The following TNFAIP2 variants were observed in gnomAD, a reference collection of about 807,000 sequenced individuals.
The protein encoded by TNFAIP2 is TNF alpha induced protein 2, also known as tumor necrosis factor alpha-induced protein 2.
Under a neutral mutation model 63.5 loss-of-function variants are expected in TNFAIP2, and 47 were observed. The observed-to-expected ratio is 0.74, with a 90% CI of 0.59 to 0.94. TNFAIP2 has a LOEUF of 0.94. TNFAIP2 is among the 40% of genes least tolerant of loss of function. The pLI is 0.00. For missense variants in TNFAIP2, 787 were observed against 850.2 expected (o/e 0.93, Z 0.92); for synonymous variants, 405 against 390.2 (o/e 1.04, Z -0.45).
chr14:103,125,344 T>C (rs1204037763), intron 1 of TNFAIP2, among the ~76,000 whole-genome samples: 2 of 152,172 alleles, frequency 1.3e-5, no homozygotes, highest in African/African-American at 4.8e-5. Context: ...GCTCGGGTCT[T>C]GCCTCTCTGG....
In TNFAIP2 at chr14:103,127,589, A is replaced by C. The variant is rs201875591; in HGVS notation, c.820A>C (p.Thr274Pro). The change falls in exon 3 of 12, where the codon ACC becomes CCC. Residue 274 changes from threonine (T) to proline (P), a missense_variant. By Grantham distance (38) the Thr-to-Pro change is conservative. This residue lies in a region of TNFAIP2 where 523 missense variants were observed against 604.1 expected (regional missense o/e 0.87). Coordinates refer to ENST00000560869, the MANE Select transcript of TNFAIP2 (RefSeq NM_006291.4). This position sits in a 1 kb window ranked among gnomAD's most constrained non-coding sequence, Gnocchi z 5.1. ...VAQFELCERD[T>P]YMLLLWVQNL... Reference sequence around the variant, plus strand: ...GCAGTTCGAGCTGTGCGAGCGCGACACCTACATGCTGCTGCTCTGGGTGCA... The same window carrying C: ...GCAGTTCGAGCTGTGCGAGCGCGACCCCTACATGCTGCTGCTCTGGGTGCA... The C allele has an allele frequency of 1.1e-4, 170 of 1,549,492 alleles. No homozygotes were observed. Among genetic ancestry groups the C allele is most frequent in the Non-Finnish European group, 1.4e-4 (165 of 1,150,640 alleles).
In TNFAIP2 at chr14:103,131,172, T is replaced by TGCGGGAGTGGGAGTCACTC. The variant is rs953265295; in HGVS notation, c.1298+23_1298+41dup. 4 of 1,612,376 alleles carry TGCGGGAGTGGGAGTCACTC rather than the reference T, an allele frequency of 2.5e-6. No individual in the cohort carries two copies. Among genetic ancestry groups the TGCGGGAGTGGGAGTCACTC allele is most frequent in the Non-Finnish European group, 3.4e-6 (4 of 1,178,748 alleles). On this transcript the variant is annotated intron_variant, in intron 7 of 11. Transcript: ENST00000560869. The surrounding 1 kb of genome is among the most constrained non-coding windows in gnomAD (Gnocchi z 4.0). The stretch of plus-strand genomic sequence containing the variant: ...TCCGGTGAGAGTGTTGGGAGGGGCT[T>TGCGGGAGTGGGAGTCACTC]GCGGGAGTGGGAGTCACTCAGCGGG...
Position 103,135,161 on chromosome 14 carries a change from A to G in TNFAIP2, c.1824-58A>G. Reference sequence around the variant, plus strand: ...TGTGGCACTGGCCGGGAGTGCAGGGAGCTGGTGAGTAGGGGTGTGGGTGAC... The same window carrying G: ...TGTGGCACTGGCCGGGAGTGCAGGGGGCTGGTGAGTAGGGGTGTGGGTGAC... On this transcript the variant is annotated intron_variant, in intron 11 of 11. Coordinates refer to ENST00000560869, the MANE Select transcript of TNFAIP2 (RefSeq NM_006291.4). The surrounding 1 kb of genome is among the most constrained non-coding windows in gnomAD (Gnocchi z 7.6). The G allele has an allele frequency of 6.2e-7, 1 of 1,609,976 alleles. No homozygotes were observed. Among genetic ancestry groups the G allele is most frequent in the Non-Finnish European group, 8.5e-7 (1 of 1,177,282 alleles).
chr14:103,122,414 A>C (rs1891144614), upstream of TNFAIP2, among the ~76,000 whole-genome samples: 1 of 152,082 alleles, frequency 6.6e-6, no homozygotes, highest in South Asian at 2.1e-4. Context: ...AGAGGGGAGG[A>C]GCAGAGGCCC....
Position 103,131,902 on chromosome 14 carries a change from A to G in TNFAIP2, c.1422+140A>G. 1 of 1,253,080 alleles carries G rather than the reference A, an allele frequency of 8.0e-7. No homozygotes were observed. Among genetic ancestry groups the G allele is most frequent in the Non-Finnish European group, 1.1e-6 (1 of 928,892 alleles). 77.6% of individuals were successfully genotyped at this position (1,253,080 alleles called of 1,614,324 possible). A position where few individuals can be genotyped will look rare whatever the true frequency, so the allele number is the denominator to read the frequency against. ...AGGCCTGTGGACGGCACCGTGGGCC[A>G]GCTCTGGTGCAGCGGTGATGCCCGG... On this transcript the variant is annotated intron_variant, in intron 8 of 11. Transcript: ENST00000560869. The surrounding 1 kb of genome is among the most constrained non-coding windows in gnomAD (Gnocchi z 4.0).
At position 103,135,455 on chromosome 14, in the gene TNFAIP2, C is replaced by G; in HGVS notation, c.*95C>G. 2.6e-6 allele frequency: 4 copies of G among 1,513,018 alleles called. No individual in the cohort carries two copies. Among genetic ancestry groups the G allele is most frequent in the Non-Finnish European group, 3.5e-6 (4 of 1,139,084 alleles). The allele number at this position is 1,513,018 out of a possible 1,614,324, so 93.7% of individuals were successfully genotyped here. ...AGAGCAGCGCTGGTTCTCGGTTCCT[C>G]CCGGGTCTCCTGTGCTCTGATGCTA... On this transcript the variant is annotated 3_prime_UTR_variant, in exon 12 of 12. Coordinates refer to ENST00000560869, the MANE Select transcript of TNFAIP2 (RefSeq NM_006291.4). This position sits in a 1 kb window ranked among gnomAD's most constrained non-coding sequence, Gnocchi z 7.6.
Position 103,126,642 on chromosome 14 carries a change from C to T in TNFAIP2, c.185C>T (p.Pro62Leu), listed in dbSNP as rs533646796. 3.2e-6 allele frequency: 5 copies of T among 1,555,214 alleles called. No homozygotes were observed. The South Asian group carries it at 4.7e-5, about 15-fold the overall frequency. Residue 62 changes from proline to leucine, a missense_variant, in exon 2 of 12, where the codon CCC (proline) becomes CTC (leucine). Pro to Leu is a moderately conservative substitution (Grantham distance 98). Coordinates refer to ENST00000560869, the MANE Select transcript of TNFAIP2 (RefSeq NM_006291.4). ...KKKGQPSSAEPEDAAGSRQGL... is the reference protein window; with the variant it reads ...KKKGQPSSAELEDAAGSRQGL... The stretch of plus-strand genomic sequence containing the variant: ...AAGGGTCAGCCCAGCTCAGCGGAGC[C>T]CGAGGACGCAGCCGGGTCCAGGCAG...
intron 6 of TNFAIP2, 66 bp downstream of exon 6, chr14:103,130,481 G>C: frequency 6.9e-7 from 1 of 1,442,230 alleles, no homozygotes; most frequent in Non-Finnish European, 9.5e-7. Flanking sequence ...CCTCCCTAGT[G>C]CCTCAGGTGG....
Position 103,127,098 on chromosome 14 carries a change from C to T in TNFAIP2, c.329C>T (p.Ala110Val). Residue 110 changes from alanine (A) to valine (V), a missense_variant, in exon 3 of 12, where the codon GCG becomes GTG. Physicochemically the swap from Ala to Val is moderately conservative, Grantham distance 64. Around this residue, in one of 3 missense-constraint regions of TNFAIP2, gnomAD observed 258 missense variants for 228.9 expected, o/e 1.13. Coordinates refer to ENST00000560869, the MANE Select transcript of TNFAIP2 (RefSeq NM_006291.4). This position sits in a 1 kb window ranked among gnomAD's most constrained non-coding sequence, Gnocchi z 5.1. ...LERELAAAAA[A>V]GGVSEEELVR... ...CGGGAGCTGGCGGCGGCGGCGGCGG[C>T]GGGCGGTGTGAGCGAGGAGGAGCTG... is the stretch of plus-strand genomic sequence containing the variant. 9.1e-7 allele frequency: 1 copy of T among 1,101,654 alleles called. No individual in the cohort carries two copies. Among genetic ancestry groups the T allele is most frequent in the Non-Finnish European group, 1.1e-6 (1 of 905,486 alleles). The allele number at this position is 1,101,654 out of a possible 1,614,324, so 68.2% of individuals were successfully genotyped here.
At position 103,123,909 on chromosome 14, in the gene TNFAIP2, G is replaced by A. The variant is rs1054168911; in HGVS notation, c.-191G>A. On this transcript the variant is annotated 5_prime_UTR_variant, in exon 1 of 12. Coordinates refer to ENST00000560869, the MANE Select transcript of TNFAIP2 (RefSeq NM_006291.4). ...AAGGAGCCGGGCCCAGCGAGCTCCC[G>A]GGAGGTGTGTGGACATCAGCCCTGA... 1 of 152,386 alleles carries A rather than the reference G, an allele frequency of 6.6e-6. No homozygotes were observed. Among genetic ancestry groups the A allele is most frequent in the Non-Finnish European group, 1.5e-5 (1 of 68,158 alleles). 9.4% of individuals were successfully genotyped at this position (152,386 alleles called of 1,614,324 possible).
rs8176357 is a variant in TNFAIP2, at chr14:103,124,828, G to A, written c.-149+877G>A. ...TGCTCAACCCAAATGGCACTAGGGA[G>A]GCCAGTGCCATCCAGGAGTGTGGGA... On this transcript the variant is annotated intron_variant, in intron 1 of 11. Coordinates refer to ENST00000560869, the MANE Select transcript of TNFAIP2 (RefSeq NM_006291.4). 3.8e-3 allele frequency among the ~76,000 whole-genome samples: 573 copies of A among 152,358 alleles called. 4 individuals are homozygous for A. Among genetic ancestry groups the A allele is most frequent in the Non-Finnish European group, 5.9e-3 (403 of 68,018 alleles).
Position 103,132,735 on chromosome 14 carries a change from C to A in TNFAIP2, c.1423-15C>A. 6.2e-7 allele frequency: 1 copy of A among 1,610,356 alleles called. No homozygotes were observed. Among genetic ancestry groups the A allele is most frequent in the Non-Finnish European group, 8.5e-7 (1 of 1,178,548 alleles). On this transcript the variant is annotated splice_polypyrimidine_tract_variant and intron_variant, in intron 8 of 11. Coordinates refer to ENST00000560869, the MANE Select transcript of TNFAIP2 (RefSeq NM_006291.4). ...CTCCAGGGCGTGACTAGACATCCTG[C>A]CTCTCCTGTCTCAGCCACTGTTCAA...
Position 103,131,784 on chromosome 14 carries a change from C to A in TNFAIP2, c.1422+22C>A. ...GAAGGTAGCGGGAGCCTCTTGCCCTCAGGAGCCCAGTGTTGGGGGGTTCCC... is the reference window on the plus strand; with the variant it reads ...GAAGGTAGCGGGAGCCTCTTGCCCTAAGGAGCCCAGTGTTGGGGGGTTCCC... On this transcript the variant is annotated intron_variant, in intron 8 of 11. Transcript: ENST00000560869. This position sits in a 1 kb window ranked among gnomAD's most constrained non-coding sequence, Gnocchi z 4.0. 1 of 1,605,572 alleles carries A rather than the reference C, an allele frequency of 6.2e-7. No individual in the cohort carries two copies. Among genetic ancestry groups the A allele is most frequent in the Non-Finnish European group, 8.5e-7 (1 of 1,176,044 alleles).
rs565039933 is a variant in TNFAIP2 at position 103,127,487 on chromosome 14, C to G, written c.718C>G (p.Pro240Ala). The change falls in exon 3 of 12, where the codon CCC becomes GCC. Residue 240 changes from proline (P) to alanine (A), a missense_variant. Physicochemically the swap from Pro to Ala is conservative, Grantham distance 27. Transcript: ENST00000560869. This position sits in a 1 kb window ranked among gnomAD's most constrained non-coding sequence, Gnocchi z 5.1. ...AVVERLKPLF[P>A]AEFGVVAAYA... The stretch of plus-strand genomic sequence containing the variant: ...GGTGGAGCGGCTGAAGCCGCTGTTC[C>G]CCGCCGAGTTCGGCGTCGTGGCGGC... 6.3e-6 allele frequency: 10 copies of G among 1,590,136 alleles called. No individual in the cohort carries two copies. In the African/African-American group the frequency reaches 1.2e-4, roughly 19 times the overall value.
intron 11 of TNFAIP2, among the ~76,000 whole-genome samples, chr14:103,134,693 T>G (rs2088060561): frequency 6.6e-6 from 1 of 151,728 alleles, no homozygotes; most frequent in Non-Finnish European, 1.5e-5. Context: ...CATCTACCTA[T>G]GCCACCAACA....
chr14:103,135,599 C>T lies in TNFAIP2; in HGVS notation c.*239C>T, dbSNP rs1157467543. 3 of 1,402,350 alleles carry T rather than the reference C, an allele frequency of 2.1e-6. No homozygotes were observed. Among genetic ancestry groups the T allele is most frequent in the Non-Finnish European group, 2.8e-6 (3 of 1,079,444 alleles). The allele number at this position is 1,402,350 out of a possible 1,614,324, so 86.9% of individuals were successfully genotyped here. A position where few individuals can be genotyped will look rare whatever the true frequency, so the allele number is the denominator to read the frequency against. On this transcript the variant is annotated 3_prime_UTR_variant, in exon 12 of 12. Transcript: ENST00000560869. This position sits in a 1 kb window ranked among gnomAD's most constrained non-coding sequence, Gnocchi z 7.6. ...ATCCTGGGCAGCCAACCAGGCAACACCAAGGACTCTTTGTAAACGATAGCT... is the reference window on the plus strand; with the variant it reads ...ATCCTGGGCAGCCAACCAGGCAACATCAAGGACTCTTTGTAAACGATAGCT...
intron 8 of TNFAIP2, among the ~76,000 whole-genome samples, chr14:103,132,532 G>A (rs2087998323): frequency 6.6e-6 from 1 of 152,180 alleles, no homozygotes; most frequent in African/African-American, 2.4e-5. Flanking sequence ...AGCCGCACTG[G>A]GTGACCTTGG....
intron 1 of TNFAIP2, among the ~76,000 whole-genome samples, chr14:103,125,771 G>A (rs1019496575): frequency 6.6e-6 from 1 of 152,188 alleles, no homozygotes; most frequent in East Asian, 1.9e-4. Context: ...TGACCCCACC[G>A]CTGGATCAGA....
chr14:103,135,281 G>A lies in TNFAIP2; in HGVS notation c.1886G>A (p.Arg629His), dbSNP rs199812286. The A allele has an allele frequency of 3.1e-6, 5 of 1,614,008 alleles. No homozygotes were observed. The highest frequency in any genetic ancestry group is 1.7e-5 in the Admixed American group (1 of 60,026). ...KGNLSNSEVK[R>H]IRSILDVSMG... ...AACCTATCCAACAGTGAGGTCAAGC[G>A]CATCCGGAGCATCTTGGACGTCAGC... is the stretch of plus-strand genomic sequence containing the variant. Residue 629 changes from arginine to histidine, a missense_variant, in exon 12 of 12, where the codon CGC becomes CAC. Transcript: ENST00000560869. The surrounding 1 kb of genome is among the most constrained non-coding windows in gnomAD (Gnocchi z 7.6).
Sources: gnomAD v4.1 joint callset for allele counts (sites outside exome capture counted in the v4.1 genomes callset) on GRCh38, gnomAD v4.1.1 for gene constraint, gnomAD v4.1.1 regional missense constraint, Gnocchi (gnomAD v3.1) non-coding constraint, MANE v1.5 for transcripts, NCBI Gene and HGNC (gene_info 2026-07-23, HGNC 2026-07-21) for gene names.